KCNIP4: variants seen among roughly 807,000 people sequenced by gnomAD.
The protein encoded by KCNIP4 is potassium voltage-gated channel interacting protein 4.
Under a neutral mutation model 34.0 loss-of-function variants are expected in KCNIP4, and 12 were observed. The observed-to-expected ratio is 0.35, with a 90% CI of 0.23 to 0.57. The LOEUF (loss-of-function observed/expected upper bound fraction) is 0.57. Ranked by LOEUF, KCNIP4 falls within the 20% of genes least tolerant of loss-of-function variation. The pLI is 0.83. For synonymous variants in KCNIP4, 124 were observed against 102.2 expected, an observed-to-expected ratio of 1.21 and a Z score of -1.29; for missense variants, 238 against 311.7, an observed-to-expected ratio of 0.76 and a Z score of 1.78.
chr4:21,025,759 T>C (rs897020559), intron 1 of KCNIP4, among the ~76,000 whole-genome samples: 26 of 151,964 alleles, frequency 1.7e-4, no homozygotes, highest in Non-Finnish European at 2.4e-4. Context: ...TTTCACCGTG[T>C]TAGCCAGGAT....
At chr4:21,224,467 G>C (rs573106869) in intron 1 of KCNIP4, among the ~76,000 whole-genome samples, 1 of 150,748 alleles carries the variant, frequency 6.6e-6, no homozygotes. Context: ...CATTACATTA[G>C]AGACTACAGT....
At chr4:21,879,276 T>C (rs1318375780) in intron 1 of KCNIP4, among the ~76,000 whole-genome samples, 1 of 152,210 alleles carries the variant, frequency 6.6e-6, no homozygotes, top group African/African-American at 2.4e-5. Flanking sequence ...GAACTCTTAG[T>C]TGTCTTGGAA....
intron 1 of KCNIP4, among the ~76,000 whole-genome samples, chr4:21,264,119 T>C (rs1761649334): frequency 1.2e-5 from 1 of 82,346 alleles, no homozygotes; most frequent in African/African-American, 4.7e-5. Flanking sequence ...CTGTCCTATG[T>C]GAAGTTTGCT....
intron 1 of KCNIP4, among the ~76,000 whole-genome samples, chr4:21,541,747 T>A (rs1221523196): frequency 6.6e-6 from 1 of 152,064 alleles, no homozygotes; most frequent in East Asian, 1.9e-4. Context: ...GCTCAAGTGA[T>A]CCTCCTGTAT....
intron 1 of KCNIP4, among the ~76,000 whole-genome samples, chr4:21,692,827 A>ATTTT (rs35231092): frequency 0.012 from 1,074 of 87,254 alleles, 63 homozygotes; most frequent in African/African-American, 0.044. Context: ...AAATCCTGTC[A>ATTTT]TTTTTTTTTT....
chr4:21,234,137 ATAT>A (rs1432173780), intron 1 of KCNIP4, among the ~76,000 whole-genome samples: 1 of 111,804 alleles, frequency 8.9e-6, no homozygotes, highest in Non-Finnish European at 1.6e-5. Flanking sequence ...TATATAACGT[ATAT>A]TATATATAAC....
chr4:21,555,096 A>C (rs1038140259), intron 1 of KCNIP4, among the ~76,000 whole-genome samples: 1 of 152,296 alleles, frequency 6.6e-6, no homozygotes, highest in East Asian at 1.9e-4. Context: ...GTACACAGTT[A>C]TTAGCCTGTT....
chr4:21,216,728 GA>G (rs1378953133), intron 1 of KCNIP4, among the ~76,000 whole-genome samples: 2 of 152,086 alleles, frequency 1.3e-5, no homozygotes, highest in African/African-American at 4.8e-5. Context: ...TCTAGTGGTG[GA>G]AGATAAGACA....
intron 1 of KCNIP4, among the ~76,000 whole-genome samples, chr4:21,155,671 A>G (rs918232255): frequency 1.3e-5 from 2 of 152,252 alleles, no homozygotes; most frequent in East Asian, 3.9e-4. Context: ...CGGAAGCTCT[A>G]TGCTGGTGAT....
intron 1 of KCNIP4, among the ~76,000 whole-genome samples, chr4:21,665,916 A>G (rs952224498): frequency 1.3e-5 from 2 of 152,098 alleles, no homozygotes; most frequent in African/African-American, 2.4e-5. Context: ...TGTCATTTTC[A>G]ATTATTGTGA....
intron 1 of KCNIP4, among the ~76,000 whole-genome samples, chr4:21,354,870 T>G (rs972192424): frequency 6.6e-6 from 1 of 152,142 alleles, no homozygotes; most frequent in Non-Finnish European, 1.5e-5. Flanking sequence ...ACATCACACT[T>G]ATTCCAAAAT....
chr4:21,220,679 T>A (rs1305885654), intron 1 of KCNIP4, among the ~76,000 whole-genome samples: 1 of 152,124 alleles, frequency 6.6e-6, no homozygotes, highest in Non-Finnish European at 1.5e-5. Context: ...TCCCAGAGGT[T>A]CTCAGTCTGA....
At chr4:21,285,899 C>T (rs1763094679) in intron 1 of KCNIP4, among the ~76,000 whole-genome samples, 1 of 152,140 alleles carries the variant, frequency 6.6e-6, no homozygotes, top group Admixed American at 6.6e-5. Flanking sequence ...TGCCTGCCAT[C>T]TAGCACTGCA....
At chr4:21,147,939 C>CAAAAAAAAAAAAAAA (rs377562727) in intron 1 of KCNIP4, among the ~76,000 whole-genome samples, 80 of 30,980 alleles carry the variant, frequency 2.6e-3, no homozygotes, top group African/African-American at 4.8e-3. Context: ...AACTCCGTCT[C>CAAAAAAAAAAAAAAA]AAAAAAAAAA....
At chr4:20,861,554 A>G (rs1363499810) in intron 2 of KCNIP4, among the ~76,000 whole-genome samples, 2 of 152,232 alleles carry the variant, frequency 1.3e-5, no homozygotes, top group South Asian at 2.1e-4. Context: ...ACCAAAATAC[A>G]AAAACAAACA....
intron 1 of KCNIP4, among the ~76,000 whole-genome samples, chr4:21,625,524 C>T (rs1324845710): frequency 6.6e-6 from 1 of 152,028 alleles, no homozygotes; most frequent in African/African-American, 2.4e-5. Context: ...TCTCTCATTA[C>T]AAATACTCTT....
At chr4:21,157,560 G>A (rs1290525614) in intron 1 of KCNIP4, among the ~76,000 whole-genome samples, 1 of 151,766 alleles carries the variant, frequency 6.6e-6, no homozygotes, top group African/African-American at 2.4e-5. Flanking sequence ...AATGAGATGA[G>A]CCCTACAATT....
At chr4:20,745,273 T>A (rs1752175241) in intron 5 of KCNIP4, among the ~76,000 whole-genome samples, 1 of 152,288 alleles carries the variant, frequency 6.6e-6, no homozygotes, top group East Asian at 1.9e-4. Context: ...GTATCCTGAT[T>A]CACATGGTGA....
At chr4:21,328,136 C>A (rs1194214236) in intron 1 of KCNIP4, among the ~76,000 whole-genome samples, 1 of 151,976 alleles carries the variant, frequency 6.6e-6, no homozygotes, top group East Asian at 1.9e-4. Flanking sequence ...GCTGTCTGGG[C>A]ATTCAACAGT....
Sources: gnomAD v4.1 joint callset for allele counts (sites outside exome capture counted in the v4.1 genomes callset) on GRCh38, gnomAD v4.1.1 for gene constraint, MANE v1.5 for transcripts, NCBI Gene and HGNC (gene_info 2026-07-23, HGNC 2026-07-21) for gene names.